Variants in GNA12 observed in about 807,000 individuals in gnomAD.
GNA12 encodes the protein G protein subunit alpha 12.
Under a neutral mutation model 26.0 loss-of-function variants are expected in GNA12, and 9 were observed. That is an observed-to-expected ratio of 0.35 (90% CI 0.21 to 0.60). The LOEUF is 0.60. Ranked by LOEUF, GNA12 falls within the 20% of genes least tolerant of loss-of-function variation. GNA12 has a pLI of 0.78. For synonymous variants in GNA12, 264 were observed against 219.6 expected (o/e 1.20, Z -1.79); for missense variants, 405 against 525.8 (o/e 0.77, Z 2.25).
At chr7:2,820,244 T>C (rs932488521) in intron 1 of GNA12, among the ~76,000 whole-genome samples, 2 of 151,976 alleles carry the variant, frequency 1.3e-5, no homozygotes, top group Admixed American at 6.6e-5. Context: ...AGGAGGAAAA[T>C]GTGCAGTGGC....
chr7:2,763,193 C>CAG (rs1554258129), intron 2 of GNA12: 1 of 93,016 alleles, frequency 1.1e-5, no homozygotes. Context: ...GACACCCCAA[C>CAG]ACACACACAC....
chr7:2,732,234 C>A (rs1336344765), intron 3 of GNA12, among the ~76,000 whole-genome samples: 1 of 152,172 alleles, frequency 6.6e-6, no homozygotes, highest in East Asian at 1.9e-4. Context: ...GCATACTCTT[C>A]ACTCACTTTG....
intron 1 of GNA12, among the ~76,000 whole-genome samples, chr7:2,824,687 T>C (rs956839778): frequency 1.3e-5 from 2 of 152,196 alleles, no homozygotes; most frequent in South Asian, 4.1e-4. Context: ...TTAAAAGCTG[T>C]GTAGTGCCCA....
Position 2,782,417 on chromosome 7 carries a change from A to G in GNA12, c.525+12511T>C, listed in dbSNP as rs560744131. 2.0e-5 allele frequency among the ~76,000 whole-genome samples: 3 copies of G among 152,184 alleles called. No homozygotes were observed. The South Asian group carries it at 6.2e-4, about 32-fold the overall frequency. ...CTACCCATCAACTCTCTGTGTTTGG[A>G]AATGTCTCTGTTCTGCCTTCTATTT... On this transcript the variant is annotated intron_variant, in intron 2 of 3. Transcript: ENST00000275364.
At chr7:2,735,654 G>A (rs1377924169) in intron 2 of GNA12, among the ~76,000 whole-genome samples, 1 of 152,200 alleles carries the variant, frequency 6.6e-6, no homozygotes, top group Admixed American at 6.5e-5. Flanking sequence ...TCTCCACGAT[G>A]ACTGAATGAG....
chr7:2,838,276 T>C (rs1007635243), intron 1 of GNA12, among the ~76,000 whole-genome samples: 33 of 130,712 alleles, frequency 2.5e-4, no homozygotes, highest in Admixed American at 1.1e-3. Context: ...CAAAGCATTA[T>C]ACTTAAAAAA....
intron 1 of GNA12, among the ~76,000 whole-genome samples, chr7:2,820,723 C>T (rs1018185572): frequency 6.6e-6 from 1 of 152,168 alleles, no homozygotes; most frequent in Non-Finnish European, 1.5e-5. Context: ...AAAGAGGAAA[C>T]TCCAACTGTG....
rs1791857452 is a variant in GNA12 at position 2,768,296 on chromosome 7, T to C, written c.525+26632A>G. Among the ~76,000 whole-genome samples, 5 of 152,216 alleles carry C rather than the reference T, an allele frequency of 3.3e-5. No homozygotes were observed. In the South Asian group the frequency reaches 8.3e-4, roughly 25 times the overall value. On this transcript the variant is annotated intron_variant, in intron 2 of 3. Coordinates refer to ENST00000275364, the MANE Select transcript of GNA12 (RefSeq NM_007353.3). The stretch of plus-strand genomic sequence containing the variant: ...TTTCCAAGTTTAAATACAGCAAATG[T>C]AGTGACTAAGGAATTGCTAATTCAA...
intron 2 of GNA12, among the ~76,000 whole-genome samples, chr7:2,778,724 G>A (rs920432844): frequency 6.6e-6 from 1 of 152,192 alleles, no homozygotes; most frequent in Non-Finnish European, 1.5e-5. Context: ...ATCTCTCAGA[G>A]TCAGTCTAAA....
chr7:2,781,412 C>CTGTGTGTGTGTGTGTG (rs58348546), intron 2 of GNA12, among the ~76,000 whole-genome samples: 3,667 of 143,622 alleles, frequency 0.026, 93 homozygotes, highest in Non-Finnish European at 0.035. Flanking sequence ...AAGTAAGTGT[C>CTGTGTGTGTGTGTGTG]TGTGTGTGTG....
In GNA12 at chr7:2,764,317, G is replaced by C. The variant is rs116651857; in HGVS notation, c.525+30611C>G. ...AGGCAGGTCTCAAACTCCTAGGCTG[G>C]AGTGATCCTCCCATCTCAGCCTCCC... On this transcript the variant is annotated intron_variant, in intron 2 of 3. Coordinates refer to ENST00000275364, the MANE Select transcript of GNA12 (RefSeq NM_007353.3). Among the ~76,000 whole-genome samples, 343 of 151,728 alleles carry C rather than the reference G, an allele frequency of 2.3e-3. 1 individual carries two copies. The highest frequency in any genetic ancestry group is 7.8e-3 in the African/African-American group (324 of 41,334).
intron 1 of GNA12, among the ~76,000 whole-genome samples, chr7:2,831,348 T>C (rs967633440): frequency 1.3e-5 from 2 of 151,938 alleles, no homozygotes; most frequent in Non-Finnish European, 1.5e-5. Context: ...ATCAGAACCT[T>C]AGGGAAAAAC....
chr7:2,828,030 T>C (rs1482432174), intron 1 of GNA12, among the ~76,000 whole-genome samples: 2 of 152,192 alleles, frequency 1.3e-5, no homozygotes, highest in African/African-American at 4.8e-5. Flanking sequence ...GGTGGCTCTT[T>C]TCCTGAAGTT....
intron 1 of GNA12, among the ~76,000 whole-genome samples, chr7:2,837,602 A>C (rs1444065953): frequency 1.3e-5 from 2 of 152,202 alleles, no homozygotes; most frequent in South Asian, 2.1e-4. Flanking sequence ...GGAGCAATGC[A>C]TGAACTCGGA....
chr7:2,793,548 G>A (rs1301227853), intron 2 of GNA12, among the ~76,000 whole-genome samples: 3 of 152,060 alleles, frequency 2.0e-5, no homozygotes, highest in Non-Finnish European at 4.4e-5. Flanking sequence ...TCAGATGATT[G>A]AGAAAAATAA....
intron 2 of GNA12, among the ~76,000 whole-genome samples, chr7:2,768,827 A>G (rs1437564320): frequency 1.3e-5 from 2 of 152,180 alleles, no homozygotes; most frequent in Non-Finnish European, 2.9e-5. Context: ...GTATGTGGAG[A>G]AATCTACACT....
At chr7:2,787,784 G>A (rs1583281755) in intron 2 of GNA12, among the ~76,000 whole-genome samples, 1 of 152,358 alleles carries the variant, frequency 6.6e-6, no homozygotes, top group South Asian at 2.1e-4. Flanking sequence ...CCACGGCTAT[G>A]CTAAACCACA....
At position 2,767,601 on chromosome 7, in the gene GNA12, C is replaced by T. The variant is rs1035693904; in HGVS notation, c.525+27327G>A. On this transcript the variant is annotated intron_variant, in intron 2 of 3. Transcript: ENST00000275364. Reference sequence around the variant, plus strand: ...CTCACACACAAGAACAACTGTTTCCCTGTCTTCTTATTTAAAATCAACTCT... The same window carrying T: ...CTCACACACAAGAACAACTGTTTCCTTGTCTTCTTATTTAAAATCAACTCT... Among the ~76,000 whole-genome samples, 2 of 144,246 alleles carry T rather than the reference C, an allele frequency of 1.4e-5. 1 individual carries two copies. The highest frequency in any genetic ancestry group is 4.9e-5 in the African/African-American group (2 of 40,954). The allele number at this position is 144,246 out of a possible 152,430, so 94.6% of individuals were successfully genotyped here.
intron 1 of GNA12, among the ~76,000 whole-genome samples, chr7:2,809,915 A>C (rs1337544393): frequency 6.6e-6 from 1 of 152,254 alleles, no homozygotes; most frequent in Non-Finnish European, 1.5e-5. Flanking sequence ...TTAGTAATAA[A>C]TTCATAGTAA....
Sources: gnomAD v4.1 joint callset for allele counts (sites outside exome capture counted in the v4.1 genomes callset) on GRCh38, gnomAD v4.1.1 for gene constraint, MANE v1.5 for transcripts, NCBI Gene and HGNC (gene_info 2026-07-23, HGNC 2026-07-21) for gene names.